Variants in PCDHA1 observed in about 807,000 individuals in gnomAD.
PCDHA1 encodes the protein protocadherin alpha 1.
A neutral mutation model predicts 61.3 loss-of-function variants in PCDHA1; 42 were observed. The observed-to-expected ratio is 0.69, with a 90% CI of 0.54 to 0.89. PCDHA1 has a LOEUF of 0.89. PCDHA1 is among the 40% of genes least tolerant of loss of function. PCDHA1 has a pLI of 0.00. For missense variants in PCDHA1, 1,256 were observed against 1,235.3 expected (o/e 1.02, Z -0.25); for synonymous variants, 610 against 553.8 (o/e 1.10, Z -1.43).
chr5:140,849,637 C>A lies in PCDHA1; in HGVS notation c.2394+60953C>A, dbSNP rs1581190048. ...AGTGTGATCGACCTAGACGCAGATG[C>A]CAACGGGCAGGTTACCTGCTCCCTG... On this transcript the variant is annotated intron_variant, in intron 1 of 3. Coordinates refer to ENST00000504120, the MANE Select transcript of PCDHA1 (RefSeq NM_018900.4). 4 of 1,598,688 alleles carry A rather than the reference C, an allele frequency of 2.5e-6. No homozygotes were observed. In the East Asian group the frequency reaches 8.9e-5, roughly 36 times the overall value.
At chr5:140,949,932 TA>T (rs1438940739) in intron 1 of PCDHA1, among the ~76,000 whole-genome samples, 2 of 151,648 alleles carry the variant, frequency 1.3e-5, no homozygotes, top group African/African-American at 2.4e-5. Context: ...AGATTTTTTT[TA>T]ATTTGCATTT....
intron 1 of PCDHA1, chr5:140,824,356 T>A (rs2150134202): frequency 1.4e-5 from 8 of 579,216 alleles, no homozygotes; most frequent in Non-Finnish European, 2.1e-5. Context: ...TAATATTTTA[T>A]ATTAGCATTT....
intron 1 of PCDHA1, chr5:140,852,246 CTT>C (rs1364833790): frequency 5.5e-6 from 3 of 546,116 alleles, no homozygotes; most frequent in Admixed American, 6.5e-5. Context: ...TTAAAACACA[CTT>C]TTGGAATATG....
intron 1 of PCDHA1, among the ~76,000 whole-genome samples, chr5:140,960,324 G>A (rs2095540604): frequency 6.6e-6 from 1 of 152,168 alleles, no homozygotes; most frequent in Non-Finnish European, 1.5e-5. Context: ...AGGGTCCTGT[G>A]AGAAGTACAT....
intron 1 of PCDHA1, among the ~76,000 whole-genome samples, chr5:140,902,711 C>T (rs2153477998): frequency 6.6e-6 from 1 of 151,990 alleles, no homozygotes; most frequent in Middle Eastern, 3.4e-3. Context: ...TCTTTCACTC[C>T]CCTCCCACCC....
chr5:140,806,523 G>T (rs1554123633), intron 1 of PCDHA1, among the ~76,000 whole-genome samples: 1 of 152,126 alleles, frequency 6.6e-6, no homozygotes, highest in Non-Finnish European at 1.5e-5. Context: ...AAATGCTGAT[G>T]GTCTTTGATC....
At chr5:140,867,805 T>C (rs1260432905) in intron 1 of PCDHA1, 1 of 152,150 alleles carries the variant, frequency 6.6e-6, no homozygotes. Flanking sequence ...GCATTTTCTA[T>C]GAAATTCCAT....
chr5:140,971,401 G>A (rs2096476846), intron 1 of PCDHA1, among the ~76,000 whole-genome samples: 1 of 152,164 alleles, frequency 6.6e-6, no homozygotes, highest in Admixed American at 6.5e-5. Context: ...ATTTCTGCCA[G>A]GCACTTTTGG....
chr5:140,809,043 G>T (rs1311161177), intron 1 of PCDHA1: 3 of 1,613,738 alleles, frequency 1.9e-6, no homozygotes, highest in East Asian at 2.2e-5. Context: ...GGTGGCGCGC[G>T]CATCCCGTTC....
intron 1 of PCDHA1, among the ~76,000 whole-genome samples, chr5:140,937,010 C>A (rs2091260078): frequency 6.6e-6 from 1 of 151,324 alleles, no homozygotes; most frequent in Non-Finnish European, 1.5e-5. Context: ...GACAGACAAC[C>A]GATTAACAAG....
intron 1 of PCDHA1, chr5:140,842,268 A>G (rs1554138931): frequency 2.5e-6 from 4 of 1,610,534 alleles, no homozygotes. Flanking sequence ...GAAAACTTAT[A>G]CAAAATCCTC....
intron 1 of PCDHA1, among the ~76,000 whole-genome samples, chr5:140,921,264 T>C (rs2080129104): frequency 6.6e-6 from 1 of 152,210 alleles, no homozygotes; most frequent in Non-Finnish European, 1.5e-5. Flanking sequence ...CCTAGACTTT[T>C]ATACTTACTT....
intron 1 of PCDHA1, chr5:140,824,015 G>A (rs2150131495): frequency 5.0e-6 from 8 of 1,614,014 alleles, no homozygotes; most frequent in Non-Finnish European, 6.8e-6. Flanking sequence ...GTGGGGAGCT[G>A]GTCGTACTCG....
intron 1 of PCDHA1, chr5:140,811,094 C>T (rs914277897): frequency 1.3e-5 from 2 of 152,078 alleles, no homozygotes; most frequent in Non-Finnish European, 2.9e-5. Flanking sequence ...GTGCCATGTT[C>T]GTTTGCTGCA....
intron 1 of PCDHA1, chr5:140,875,324 C>T (rs2055413972): frequency 3.5e-6 from 5 of 1,426,162 alleles, no homozygotes; most frequent in East Asian, 5.0e-5. Context: ...CAATCATTCA[C>T]GGAATAGGAT....
At position 140,801,756 on chromosome 5, in the gene PCDHA1, G is replaced by A. The variant is rs782663776; in HGVS notation, c.2394+13072G>A. 1.9e-5 allele frequency: 30 copies of A among 1,613,786 alleles called. No homozygotes were observed. Among genetic ancestry groups the A allele is most frequent in the Middle Eastern group, 1.6e-4 (1 of 6,082 alleles). On this transcript the variant is annotated intron_variant, in intron 1 of 3. Transcript: ENST00000504120. ...TACCTTGGACGTTAAAAGAAATGAT[G>A]AGGAAATTAAATCCCTTGGACTCGT...
chr5:140,862,965 C>T (rs1358517266), intron 1 of PCDHA1: 5 of 543,666 alleles, frequency 9.2e-6, no homozygotes, highest in African/African-American at 7.7e-5. Flanking sequence ...TCAGTGGATG[C>T]AGGCCACTTG....
chr5:140,845,764 A>C lies in PCDHA1; in HGVS notation c.2394+57080A>C, dbSNP rs2150380946. 2.6e-4 allele frequency among the ~76,000 whole-genome samples: 39 copies of C among 149,790 alleles called. 2 individuals carry two copies. Among genetic ancestry groups the C allele is most frequent in the African/African-American group, 9.3e-4 (38 of 40,978 alleles). ...TAGATTTATTTGTATCAAGTAAGTT[A>C]ATAGTTATAAATTATTAATAATAAA... On this transcript the variant is annotated intron_variant, in intron 1 of 3. Transcript: ENST00000504120.
chr5:140,875,349 CTG>C, intron 1 of PCDHA1: 1 of 1,444,894 alleles, frequency 6.9e-7, no homozygotes, highest in Non-Finnish European at 9.1e-7. Context: ...TCCATAATGA[CTG>C]TGATGCTGGA....
Sources: gnomAD v4.1 joint callset for allele counts (sites outside exome capture counted in the v4.1 genomes callset) on GRCh38, gnomAD v4.1.1 for gene constraint, MANE v1.5 for transcripts, NCBI Gene and HGNC (gene_info 2026-07-23, HGNC 2026-07-21) for gene names.